TMPRSS15: variants seen among roughly 807,000 people sequenced by gnomAD.
The protein encoded by TMPRSS15 is enteropeptidase.
TMPRSS15 carries 128 observed loss-of-function variants against 125.3 expected under a neutral mutation model. That is an observed-to-expected ratio of 1.02 (90% CI 0.89 to 1.18). The LOEUF (loss-of-function observed/expected upper bound fraction) is 1.18. Among genes scored for constraint, TMPRSS15 ranks in the 50% most tolerant of loss-of-function variants. TMPRSS15 has a pLI of 0.00. For missense variants in TMPRSS15, 1,283 were observed against 1,212.7 expected (o/e 1.06, Z -0.86); for synonymous variants, 446 against 423.2 (o/e 1.05, Z -0.66).
chr21:18,332,665 C>T (rs1370556535), intron 13 of TMPRSS15, among the ~76,000 whole-genome samples: 1 of 152,082 alleles, frequency 6.6e-6, no homozygotes, highest in Non-Finnish European at 1.5e-5. Flanking sequence ...ATTAGTTAAA[C>T]TATGTGGAAG....
At chr21:18,396,553 T>C (rs1016326403) in intron 3 of TMPRSS15, among the ~76,000 whole-genome samples, 2 of 151,968 alleles carry the variant, frequency 1.3e-5, no homozygotes, top group Non-Finnish European at 2.9e-5. Context: ...GGTGGGCGGA[T>C]CACGAGGTCA....
chr21:18,323,562 C>A (rs1392117177), intron 16 of TMPRSS15, among the ~76,000 whole-genome samples: 1 of 152,156 alleles, frequency 6.6e-6, no homozygotes, highest in Non-Finnish European at 1.5e-5. Flanking sequence ...GGTGGGGACA[C>A]AGCTAAACCA....
Position 18,352,967 on chromosome 21 carries a change from A to T in TMPRSS15, c.1107T>A (p.Ile369=). The T allele has an allele frequency of 6.2e-7, 1 of 1,612,422 alleles. No individual in the cohort carries two copies. Among genetic ancestry groups the T allele is most frequent in the South Asian group, 1.1e-5 (1 of 91,046 alleles). The part of the protein sequence containing the change: ...DLNDDNEWER[I]QGSTFSPFTG... ...TAAAAGGAGAAAAGGTGCTTCCCTG[A>T]ATCCTTTCCCATTCATTATCATCAT... The change falls in exon 10 of 25, where the codon ATT becomes ATA. Residue 369 remains isoleucine, a synonymous_variant. Transcript: ENST00000284885.
At chr21:18,384,660 T>G (rs2075926027) in intron 3 of TMPRSS15, among the ~76,000 whole-genome samples, 1 of 152,194 alleles carries the variant, frequency 6.6e-6, no homozygotes, top group Non-Finnish European at 1.5e-5. Flanking sequence ...GGAGACAAAC[T>G]ATAGCTCTGA....
chr21:18,433,572 G>T (rs929039276), intron 1 of TMPRSS15, among the ~76,000 whole-genome samples: 43 of 146,052 alleles, frequency 2.9e-4, no homozygotes, highest in Non-Finnish European at 3.3e-4. Context: ...GCTGAGGTGG[G>T]AGAATCACCT....
chr21:18,280,587 A>AAAAAACAAAAC (rs1555890688), intron 22 of TMPRSS15, among the ~76,000 whole-genome samples: 2 of 145,478 alleles, frequency 1.4e-5, no homozygotes, highest in African/African-American at 2.8e-5. Context: ...AAAAAAAAAA[A>AAAAAACAAAAC]AAAAAAAACA....
chr21:18,336,086 T>C (rs186117696), intron 13 of TMPRSS15, among the ~76,000 whole-genome samples: 170 of 152,304 alleles, frequency 1.1e-3, no homozygotes, highest in African/African-American at 3.7e-3. Context: ...GATATTTTCC[T>C]TGATGCATGT....
At chr21:18,308,942 G>A (rs4571147) in intron 18 of TMPRSS15, among the ~76,000 whole-genome samples, 11,459 of 152,098 alleles carry the variant, frequency 0.075, 774 homozygotes, top group East Asian at 0.33. Context: ...TTATTGCTGC[G>A]TAGTATTCCA....
chr21:18,283,553 T>C (rs1490686547), intron 21 of TMPRSS15, among the ~76,000 whole-genome samples: 2 of 151,724 alleles, frequency 1.3e-5, no homozygotes, highest in African/African-American at 4.8e-5. Flanking sequence ...TGTATATAAA[T>C]TATCTATATA....
intron 1 of TMPRSS15, among the ~76,000 whole-genome samples, chr21:18,448,098 T>C (rs777969529): frequency 1.3e-5 from 2 of 152,162 alleles, no homozygotes; most frequent in Non-Finnish European, 2.9e-5. Context: ...TATGATCCAG[T>C]AATACCAATA....
At chr21:18,392,525 C>T (rs1313568515) in intron 3 of TMPRSS15, among the ~76,000 whole-genome samples, 1 of 152,190 alleles carries the variant, frequency 6.6e-6, no homozygotes, top group African/African-American at 2.4e-5. Context: ...CAAATCCATT[C>T]AACAAGTCTC....
At chr21:18,280,588 A>C (rs1266784210) in intron 22 of TMPRSS15, among the ~76,000 whole-genome samples, 7 of 145,992 alleles carry the variant, frequency 4.8e-5, no homozygotes, top group South Asian at 2.1e-4. Flanking sequence ...AAAAAAAAAA[A>C]AAAAAAACAA....
intron 1 of TMPRSS15, among the ~76,000 whole-genome samples, chr21:18,480,060 GA>G (rs1978953155): frequency 6.6e-6 from 1 of 151,922 alleles, no homozygotes; most frequent in African/African-American, 2.4e-5. Context: ...ATGCAGCCAT[GA>G]AAAAGGATGA....
chr21:18,458,261 A>G (rs180886341), intron 1 of TMPRSS15, among the ~76,000 whole-genome samples: 7 of 152,324 alleles, frequency 4.6e-5, no homozygotes, highest in Admixed American at 4.6e-4. Flanking sequence ...GAGCTCAAGC[A>G]TTCTTTGGTA....
At chr21:18,464,474 G>C (rs1601471869) in intron 1 of TMPRSS15, among the ~76,000 whole-genome samples, 2 of 152,086 alleles carry the variant, frequency 1.3e-5, no homozygotes, top group African/African-American at 4.8e-5. Context: ...GAATCCAGGA[G>C]CTGGTTTTTT....
intron 8 of TMPRSS15, among the ~76,000 whole-genome samples, chr21:18,357,090 C>G (rs527703008): frequency 4.0e-5 from 6 of 151,872 alleles, no homozygotes; most frequent in African/African-American, 1.4e-4. Context: ...TGTTGTCTTT[C>G]TTTGAAGATG....
At chr21:18,296,188 T>A (rs190598124) in intron 19 of TMPRSS15, among the ~76,000 whole-genome samples, 2 of 152,150 alleles carry the variant, frequency 1.3e-5, no homozygotes, top group Non-Finnish European at 2.9e-5. Context: ...AGCATATAGG[T>A]CAGTAGATTT....
intron 3 of TMPRSS15, among the ~76,000 whole-genome samples, chr21:18,395,527 CTGAGTAT>C (rs1286003969): frequency 2.0e-5 from 3 of 152,148 alleles, no homozygotes; most frequent in Non-Finnish European, 4.4e-5. Context: ...CTGATTAGTA[CTGAGTAT>C]TTAGTTTGCT....
chr21:18,342,969 T>G (rs2075464196), intron 12 of TMPRSS15, among the ~76,000 whole-genome samples: 1 of 152,200 alleles, frequency 6.6e-6, no homozygotes, highest in African/African-American at 2.4e-5. Flanking sequence ...AGAGAACACA[T>G]TAAAGTGTTA....
Sources: gnomAD v4.1 joint callset for allele counts (sites outside exome capture counted in the v4.1 genomes callset) on GRCh38, gnomAD v4.1.1 for gene constraint, MANE v1.5 for transcripts, NCBI Gene and HGNC (gene_info 2026-07-23, HGNC 2026-07-21) for gene names.